Variants in EPB41L1 observed in about 807,000 individuals in gnomAD.
EPB41L1 encodes band 4.1-like protein 1.
EPB41L1 carries 29 observed loss-of-function variants against 97.8 expected under a neutral mutation model. The observed-to-expected ratio is 0.30, with a 90% CI of 0.22 to 0.40. The LOEUF is 0.40. Among genes scored for constraint, EPB41L1 ranks in the 10% least tolerant of loss-of-function variants. EPB41L1 has a pLI of 1.00. For missense variants in EPB41L1, 812 were observed against 1,162.3 expected (o/e 0.70, Z 4.38); for synonymous variants, 383 against 459.2 (o/e 0.83, Z 2.12).
intron 7 of EPB41L1, among the ~76,000 whole-genome samples, chr20:36,185,563 A>G (rs936785883): frequency 6.6e-6 from 1 of 152,182 alleles, no homozygotes; most frequent in Non-Finnish European, 1.5e-5. Context: ...AAGCTCCTCT[A>G]TAGGTGTGAT....
chr20:36,137,511 G>A (rs964430512), intron 2 of EPB41L1, among the ~76,000 whole-genome samples: 3 of 151,290 alleles, frequency 2.0e-5, no homozygotes, highest in Non-Finnish European at 2.9e-5. Context: ...ATGAGTCACC[G>A]CACCCAGCCT....
chr20:36,092,683 G>A lies in EPB41L1; in HGVS notation c.-65+1071G>A, dbSNP rs1215427656. 6.6e-6 allele frequency: 1 copy of A among 151,854 alleles called. No homozygotes were observed. The highest frequency in any genetic ancestry group is 1.5e-5 in the Non-Finnish European group (1 of 67,974). 9.4% of individuals were successfully genotyped at this position (151,854 alleles called of 1,614,324 possible). A position where few individuals can be genotyped will look rare whatever the true frequency, so the allele number is the denominator to read the frequency against. ...GGGGCTGAGCGCCGTGGGAGGGAGA[G>A]CAGGAGCGAGCGCGCGAGAGAGCGG... On this transcript the variant is annotated intron_variant, in intron 1 of 19. Coordinates refer to the EPB41L1 transcript ENST00000202028. This position sits in a 1 kb window ranked among gnomAD's most constrained non-coding sequence, Gnocchi z 7.0.
chr20:36,092,185 G>A lies in EPB41L1; in HGVS notation c.-65+573G>A, dbSNP rs557148287. On this transcript the variant is annotated intron_variant, in intron 1 of 19. Transcript: ENST00000202028. The surrounding 1 kb of genome is among the most constrained non-coding windows in gnomAD (Gnocchi z 7.0). ...GGGCGTGGGCCAGGTCCTGGCTGGA[G>A]GTAGACGAGGTCGGCGAGCTGGGCG... 1.4e-3 allele frequency among the ~76,000 whole-genome samples: 218 copies of A among 152,336 alleles called. No individual in the cohort carries two copies. Among genetic ancestry groups the A allele is most frequent in the African/African-American group, 4.9e-3 (203 of 41,584 alleles).
intron 2 of EPB41L1, among the ~76,000 whole-genome samples, chr20:36,149,072 T>C (rs2059944645): frequency 2.6e-5 from 4 of 152,144 alleles, no homozygotes; most frequent in African/African-American, 9.7e-5. Context: ...GCTTGGAGCA[T>C]GCCAGCACCA....
At position 36,212,912 on chromosome 20, in the gene EPB41L1, T is replaced by C. The variant is rs373072827; in HGVS notation, c.2184+536T>C. ...TGTGTCTTGACAAGAAGCAGCATCC[T>C]GACCACCTGGAGAAAGCCGTCAGGC... On this transcript the variant is annotated intron_variant, in intron 16 of 21. Coordinates refer to ENST00000338074, the MANE Select transcript of EPB41L1 (RefSeq NM_012156.2). This position sits in a 1 kb window ranked among gnomAD's most constrained non-coding sequence, Gnocchi z 4.8. Among the ~76,000 whole-genome samples the C allele has an allele frequency of 6.6e-5, 10 of 152,358 alleles. No individual in the cohort carries two copies. In the East Asian group the frequency reaches 1.5e-3, roughly 24 times the overall value.
intron 2 of EPB41L1, among the ~76,000 whole-genome samples, chr20:36,130,161 C>T (rs905746104): frequency 1.8e-4 from 27 of 152,030 alleles, no homozygotes; most frequent in Admixed American, 1.8e-3. Context: ...AGGCTGATTT[C>T]GAACTCCTGA....
chr20:36,131,725 C>A (rs2059217491), intron 2 of EPB41L1, among the ~76,000 whole-genome samples: 2 of 152,160 alleles, frequency 1.3e-5, no homozygotes. Context: ...GAGGAAGGGG[C>A]TGATCTCTCA....
In EPB41L1 at chr20:36,218,949, G is replaced by A. The variant is rs778429017; in HGVS notation, c.2342G>A (p.Arg781His). Residue 781 changes from arginine to histidine, a missense_variant, in exon 18 of 22, where the codon CGT becomes CAT. This residue lies in a region of EPB41L1 where 498 missense variants were observed against 622.7 expected (regional missense o/e 0.80). Transcript: ENST00000338074. ...CCACAGACGGTGGCCACGGAAATCC[G>A]TTCTCTTTCTCCGGTAAGTGGGCAA... is the stretch of plus-strand genomic sequence containing the variant. ...PGPQTVATEI[R>H]SLSPIIGKDV... 42 of 1,614,026 alleles carry A rather than the reference G, an allele frequency of 2.6e-5. No individual in the cohort carries two copies. The highest frequency in any genetic ancestry group is 3.4e-5 in the Non-Finnish European group (40 of 1,180,030).
intron 1 of EPB41L1, among the ~76,000 whole-genome samples, chr20:36,171,344 C>T (rs950881158): frequency 1.3e-5 from 2 of 152,026 alleles, no homozygotes; most frequent in African/African-American, 4.8e-5. Context: ...CTGGAGTCAG[C>T]ACTCATTGTC....
upstream of EPB41L1, chr20:36,151,973 G>A (rs1351373203): frequency 6.6e-6 from 1 of 152,222 alleles, no homozygotes; most frequent in East Asian, 1.9e-4. Context: ...GCATGGTGGT[G>A]GCAGGCGCCT....
intron 17 of EPB41L1, among the ~76,000 whole-genome samples, chr20:36,217,041 G>A (rs1309897727): frequency 6.6e-6 from 1 of 152,242 alleles, no homozygotes; most frequent in African/African-American, 2.4e-5. Context: ...GGGCCCAGCA[G>A]TGTGTGTTTT....
intron 2 of EPB41L1, among the ~76,000 whole-genome samples, chr20:36,133,221 T>C (rs146040758): frequency 1.2e-4 from 19 of 152,312 alleles, no homozygotes; most frequent in African/African-American, 3.6e-4. Context: ...GCAAGATGAG[T>C]TCCATTCTGG....
In EPB41L1 at chr20:36,190,246, C is replaced by T. The variant is rs2061888209; in HGVS notation, c.1027-31C>T. ...CTAGTGGCGAGAGTGAGCTCAGGCC[C>T]TGCCTCTAACCTGCCCTTTTGGTTT... is the stretch of plus-strand genomic sequence containing the variant. On this transcript the variant is annotated intron_variant, in intron 9 of 21. Coordinates refer to ENST00000338074, the MANE Select transcript of EPB41L1 (RefSeq NM_012156.2). The surrounding 1 kb of genome is among the most constrained non-coding windows in gnomAD (Gnocchi z 5.8). 1.9e-6 allele frequency: 3 copies of T among 1,576,294 alleles called. No homozygotes were observed. In the East Asian group the frequency reaches 6.7e-5, roughly 35 times the overall value.
At chr20:36,179,175 A>C (rs1260924901) in intron 5 of EPB41L1, among the ~76,000 whole-genome samples, 1 of 152,192 alleles carries the variant, frequency 6.6e-6, no homozygotes, top group African/African-American at 2.4e-5. Flanking sequence ...TGGGAAGGAC[A>C]AGTCTAAGGC....
In EPB41L1 at chr20:36,129,958, T is replaced by C. The variant is rs1465599590; in HGVS notation, c.-10+17478T>C. Among the ~76,000 whole-genome samples the C allele has an allele frequency of 4.6e-5, 7 of 150,808 alleles. No homozygotes were observed. In the East Asian group the frequency reaches 1.2e-3, roughly 25 times the overall value. The stretch of plus-strand genomic sequence containing the variant: ...TGTTTTTTTTTTTTGTTTTTTTTTT[T>C]TGAGACGGAGTCTTGCTCTGTCACT... On this transcript the variant is annotated intron_variant, in intron 2 of 19. Transcript: ENST00000202028.
intron 1 of EPB41L1, among the ~76,000 whole-genome samples, chr20:36,102,314 G>A (rs1883786): frequency 1 from 151,548 of 152,302 alleles, 75,398 homozygotes; most frequent in Middle Eastern, 1. Flanking sequence ...CACAGGCACC[G>A]TCTGTCTTGG....
chr20:36,223,289 C>T (rs2063901527), intron 21 of EPB41L1, among the ~76,000 whole-genome samples: 1 of 152,218 alleles, frequency 6.6e-6, no homozygotes, highest in African/African-American at 2.4e-5. Flanking sequence ...CTGCCTCAGC[C>T]TCCCAAAGTG....
intron 1 of EPB41L1, among the ~76,000 whole-genome samples, chr20:36,160,992 A>G (rs148621235): frequency 0.01 from 1,550 of 152,348 alleles, 29 homozygotes; most frequent in African/African-American, 0.036. Flanking sequence ...TATTTAGACA[A>G]TTAGTGAAAA....
chr20:36,216,541 T>A (rs1489559668), intron 17 of EPB41L1, among the ~76,000 whole-genome samples: 1 of 152,250 alleles, frequency 6.6e-6, no homozygotes, highest in Non-Finnish European at 1.5e-5. Flanking sequence ...GATATGTGTT[T>A]CTGTGTTTTA....
Sources: gnomAD v4.1 joint callset for allele counts (sites outside exome capture counted in the v4.1 genomes callset) on GRCh38, gnomAD v4.1.1 for gene constraint, gnomAD v4.1.1 regional missense constraint, Gnocchi (gnomAD v3.1) non-coding constraint, MANE v1.5 for transcripts, NCBI Gene and HGNC (gene_info 2026-07-23, HGNC 2026-07-21) for gene names.